Variants in DENND5A observed in about 807,000 individuals in gnomAD.
DENND5A encodes DENN domain containing 5A, also known as DENN domain-containing protein 5A.
In DENND5A, 64 loss-of-function variants were observed where a neutral mutation model predicts 140.3. That is an observed-to-expected ratio of 0.46 (90% CI 0.37 to 0.56). The LOEUF (loss-of-function observed/expected upper bound fraction) is 0.56. DENND5A is among the 20% of genes least tolerant of loss of function. The pLI is 0.00. For missense variants in DENND5A, 1,292 were observed against 1,593.8 expected (o/e 0.81, Z 3.22); for synonymous variants, 605 against 607.7 (o/e 1.00, Z 0.07).
chr11:9,246,841 T>C (rs1455308741), intron 1 of DENND5A, among the ~76,000 whole-genome samples: 1 of 151,892 alleles, frequency 6.6e-6, no homozygotes, highest in Non-Finnish European at 1.5e-5. Flanking sequence ...AAGACAGCGC[T>C]TCCTTTTAGG....
intron 4 of DENND5A, among the ~76,000 whole-genome samples, chr11:9,199,726 T>A (rs1849462070): frequency 1.3e-5 from 2 of 152,198 alleles, no homozygotes; most frequent in Non-Finnish European, 1.5e-5. Context: ...CTCTTTTCTA[T>A]TCAGAGGGCA....
chr11:9,184,826 CTT>C (rs1383046524), intron 5 of DENND5A, among the ~76,000 whole-genome samples: 1 of 152,168 alleles, frequency 6.6e-6, no homozygotes, highest in African/African-American at 2.4e-5. Flanking sequence ...GATATTAACT[CTT>C]TGTAGGTTAT....
Position 9,139,741 on chromosome 11 carries a change from C to T in DENND5A, c.3794G>A (p.Arg1265His), listed in dbSNP as rs1015518442. Residue 1265 changes from arginine to histidine, a missense_variant, in exon 23 of 23, where the codon CGT becomes CAT. Around this residue, in one of 4 missense-constraint regions of DENND5A, gnomAD observed 498 missense variants for 689.7 expected, o/e 0.72. Coordinates refer to ENST00000328194, the MANE Select transcript of DENND5A (RefSeq NM_015213.4). The stretch of plus-strand genomic sequence containing the variant: ...GAACTCCTGCAATGTCTGCAGCACA[C>T]GAATCAAGGAATTGACAAGTGTATG... Reference protein sequence around the residue: ...KDHTLVNSLIRVLQTLQEFNI... With the variant: ...KDHTLVNSLIHVLQTLQEFNI... 8.1e-6 allele frequency: 13 copies of T among 1,613,892 alleles called. No homozygotes were observed. The highest frequency in any genetic ancestry group is 2.2e-5 in the South Asian group (2 of 91,060).
intron 22 of DENND5A, among the ~76,000 whole-genome samples, chr11:9,140,981 C>A (rs1190103885): frequency 1.3e-5 from 2 of 152,106 alleles, no homozygotes; most frequent in Non-Finnish European, 2.9e-5. Context: ...ACAAAACTAG[C>A]CAGGCGTGAT....
chr11:9,224,977 C>G (rs962041401), intron 1 of DENND5A, among the ~76,000 whole-genome samples: 2 of 151,876 alleles, frequency 1.3e-5, no homozygotes, highest in African/African-American at 4.8e-5. Context: ...TAAAACAAAT[C>G]TGCTCCTTTG....
chr11:9,197,297 T>G (rs1256907506), intron 4 of DENND5A, among the ~76,000 whole-genome samples: 4 of 142,640 alleles, frequency 2.8e-5, no homozygotes, highest in African/African-American at 1.0e-4. Flanking sequence ...AGAGTGAAAC[T>G]CCATCTCAAA....
At chr11:9,140,252 T>C (rs1847192980) in intron 22 of DENND5A, 1 of 1,279,806 alleles carries the variant, frequency 7.8e-7, no homozygotes, top group South Asian at 1.2e-5. Flanking sequence ...GATAACCCTG[T>C]GATATGAGGT....
At position 9,239,651 on chromosome 11, in the gene DENND5A, G is replaced by A. The variant is rs576368743; in HGVS notation, c.109+25310C>T. Among the ~76,000 whole-genome samples, 29 of 138,302 alleles carry A rather than the reference G, an allele frequency of 2.1e-4. No homozygotes were observed. The East Asian group carries it at 4.1e-3, about 20-fold the overall frequency. 90.7% of individuals were successfully genotyped at this position (138,302 alleles called of 152,430 possible). On this transcript the variant is annotated intron_variant, in intron 1 of 22. Coordinates refer to ENST00000328194, the MANE Select transcript of DENND5A (RefSeq NM_015213.4). Reference sequence around the variant, plus strand: ...TCAGCTTTTCATTTTTTGTAGAGACGAGGTCTTGCTATGTTGCCCAGGCTG... The same window carrying A: ...TCAGCTTTTCATTTTTTGTAGAGACAAGGTCTTGCTATGTTGCCCAGGCTG...
chr11:9,169,750 G>T (rs1848309914), intron 10 of DENND5A, 106 bp downstream of exon 10: 11 of 732,832 alleles, frequency 1.5e-5, no homozygotes, highest in Non-Finnish European at 2.4e-5. Context: ...ATGGGGTGAG[G>T]TCATTGCTGA....
chr11:9,229,998 G>A (rs1010464379), intron 1 of DENND5A, among the ~76,000 whole-genome samples: 1 of 140,416 alleles, frequency 7.1e-6, no homozygotes, highest in Admixed American at 7.7e-5. Flanking sequence ...TCCACCTCCC[G>A]GGTTCACGCC....
chr11:9,243,732 A>G (rs147116746), intron 1 of DENND5A, among the ~76,000 whole-genome samples: 2,799 of 152,126 alleles, frequency 0.018, 42 homozygotes, highest in Non-Finnish European at 0.021. Context: ...CTAAAAATAC[A>G]AAAATTAGCC....
intron 1 of DENND5A, among the ~76,000 whole-genome samples, chr11:9,223,519 A>G (rs1462987442): frequency 2.0e-5 from 3 of 152,032 alleles, no homozygotes; most frequent in East Asian, 1.9e-4. Flanking sequence ...CAGCCTGGGC[A>G]ACAGAGCGAG....
At chr11:9,169,417 G>C (rs947581196) in intron 10 of DENND5A, among the ~76,000 whole-genome samples, 5 of 151,906 alleles carry the variant, frequency 3.3e-5, no homozygotes, top group Admixed American at 6.6e-5. Context: ...CTGCACTCCA[G>C]CCTGGGCGAT....
At chr11:9,206,048 T>A (rs775709858) in intron 3 of DENND5A, among the ~76,000 whole-genome samples, 1 of 152,208 alleles carries the variant, frequency 6.6e-6, no homozygotes, top group Non-Finnish European at 1.5e-5. Flanking sequence ...AATTTCTTCA[T>A]CTGTAAAATA....
Position 9,147,149 on chromosome 11 carries a change from T to C in DENND5A, c.2738A>G (p.Lys913Arg). The C allele has an allele frequency of 6.2e-7, 1 of 1,613,910 alleles. No homozygotes were observed. Among genetic ancestry groups the C allele is most frequent in the Non-Finnish European group, 8.5e-7 (1 of 1,179,902 alleles). Residue 913 changes from lysine (K) to arginine (R), a missense_variant and splice_region_variant, in exon 16 of 23, where the codon AAG (lysine) becomes AGG (arginine). Coordinates refer to ENST00000328194, the MANE Select transcript of DENND5A (RefSeq NM_015213.4). ...CAGGAAGGCATAGCGCTTATATAAC[T>C]TTCTGTTGGAGAGGAGGTAATACAT... Reference protein sequence around the residue: ...QLLSDHELTKKLYKRYAFLRC... With the variant: ...QLLSDHELTKRLYKRYAFLRC...
chr11:9,253,301 G>A (rs1232822407), intron 1 of DENND5A, among the ~76,000 whole-genome samples: 2 of 152,318 alleles, frequency 1.3e-5, no homozygotes, highest in Middle Eastern at 3.4e-3. Context: ...TAGGAAGGAA[G>A]GAAGGGCTGA....
chr11:9,201,970 A>G (rs552487626), intron 4 of DENND5A, among the ~76,000 whole-genome samples: 1 of 152,320 alleles, frequency 6.6e-6, no homozygotes, highest in Admixed American at 6.5e-5. Flanking sequence ...TATCACCAAA[A>G]ATGAGACAAA....
At chr11:9,224,856 CAAAAAAAA>C (rs1003433174) in intron 1 of DENND5A, among the ~76,000 whole-genome samples, 15 of 94,002 alleles carry the variant, frequency 1.6e-4, no homozygotes, top group African/African-American at 2.0e-4. Flanking sequence ...AGACTCCATC[CAAAAAAAA>C]AAAAAAAAAA....
chr11:9,253,349 T>A (rs1479875439), intron 1 of DENND5A, among the ~76,000 whole-genome samples: 1 of 152,220 alleles, frequency 6.6e-6, no homozygotes, highest in Non-Finnish European at 1.5e-5. Context: ...CACCAAACAC[T>A]GTGACTCAGG....
Sources: gnomAD v4.1 joint callset for allele counts (sites outside exome capture counted in the v4.1 genomes callset) on GRCh38, gnomAD v4.1.1 for gene constraint, gnomAD v4.1.1 regional missense constraint, MANE v1.5 for transcripts, NCBI Gene and HGNC (gene_info 2026-07-23, HGNC 2026-07-21) for gene names.